The following MUC3A variants were observed in gnomAD, a reference collection of about 807,000 sequenced individuals.
The protein encoded by MUC3A is mucin-3A.
Under a neutral mutation model 109.0 loss-of-function variants are expected in MUC3A, and 109 were observed. That is an observed-to-expected ratio of 1.00 (90% CI 0.86 to 1.17). The LOEUF is 1.17. Ranked by LOEUF, MUC3A falls within the 50% of genes most tolerant of loss-of-function variation. MUC3A has a pLI of 0.00. For synonymous variants in MUC3A, 1,398 were observed against 981.4 expected (o/e 1.42, Z -7.93); for missense variants, 3,537 against 2,469.4 (o/e 1.43, Z -9.16).
rs775092924 is a variant in MUC3A at position 100,967,128 on chromosome 7, T to C, written c.9938T>C (p.Ile3313Thr). ...ENVDTTMKVH[I>T]KRPEMTSSSV ...TCACTGTGACTCTGACAGGTGCACATCAAGAGACCCGAGATGACCTCGTCC... is the reference window on the plus strand; with the variant it reads ...TCACTGTGACTCTGACAGGTGCACACCAAGAGACCCGAGATGACCTCGTCC... The change falls in exon 12 of 12, where the codon ATC becomes ACC. Residue 3313 changes from isoleucine (I) to threonine (T), a missense_variant. Coordinates refer to ENST00000379458, the MANE Select transcript of MUC3A (RefSeq NM_005960.2). The C allele has an allele frequency of 1.3e-6, 2 of 1,598,550 alleles. No homozygotes were observed. The highest frequency in any genetic ancestry group is 1.7e-5 in the Admixed American group (1 of 60,026).
Position 100,958,004 on chromosome 7 carries a change from C to G in MUC3A, c.6225C>G (p.Ser2075Arg). ...AGATCACCTCACACAGTACTCTCAGCTACACTACCTCAATCACCACCACCG... is the reference window on the plus strand; with the variant it reads ...AGATCACCTCACACAGTACTCTCAGGTACACTACCTCAATCACCACCACCG... ...ITEITSHSTLSYTTSITTTET... is the reference protein window; with the variant it reads ...ITEITSHSTLRYTTSITTTET... Residue 2075 changes from serine to arginine, a missense_variant, in exon 2 of 12, where the codon AGC becomes AGG. Ser to Arg is a moderately radical substitution (Grantham distance 110). Transcript: ENST00000379458. The G allele has an allele frequency of 1.2e-6, 1 of 847,274 alleles. No individual in the cohort carries two copies. Among genetic ancestry groups the G allele is most frequent in the Non-Finnish European group, 2.0e-6 (1 of 507,056 alleles). 52.5% of individuals were successfully genotyped at this position (847,274 alleles called of 1,614,324 possible). A position where few individuals can be genotyped will look rare whatever the true frequency, so the allele number is the denominator to read the frequency against.
Position 100,953,760 on chromosome 7 carries a change from A to G in MUC3A, c.1981A>G (p.Thr661Ala). ...TCCTCCCACAACCACCAATTCTTTT[A>G]CATCACTGACCAGTATGCCTCTGTC... is the stretch of plus-strand genomic sequence containing the variant. ...TSPPTTTNSF[T>A]SLTSMPLSST... Residue 661 changes from threonine (T) to alanine (A), a missense_variant, in exon 2 of 12, where the codon ACA becomes GCA. Physicochemically the swap from Thr to Ala is moderately conservative, Grantham distance 58. Coordinates refer to ENST00000379458, the MANE Select transcript of MUC3A (RefSeq NM_005960.2). 2.4e-6 allele frequency: 1 copy of G among 411,386 alleles called. No individual in the cohort carries two copies. The allele number at this position is 411,386 out of a possible 1,614,324, so 25.5% of individuals were successfully genotyped here.
chr7:100,965,542 T>C (rs1792503154), intron 7 of MUC3A, 162 bp from the exon 8 acceptor site: 1 of 1,410,834 alleles, frequency 7.1e-7, no homozygotes, highest in Middle Eastern at 1.8e-4. Flanking sequence ...AGGGTGAGGG[T>C]GCTGCGGGTG....
intron 7 of MUC3A, 121 bp from the exon 8 acceptor site, chr7:100,965,583 C>A: frequency 6.7e-7 from 1 of 1,498,174 alleles, no homozygotes; most frequent in Non-Finnish European, 8.9e-7. Flanking sequence ...AGGGTCTACC[C>A]CACAGCATCC....
In MUC3A at chr7:100,956,353, A is replaced by G. The variant is rs2116176454; in HGVS notation, c.4574A>G (p.His1525Arg). ...LVTTTTKTTS[H>R]STTSFTSSTI... is the part of the protein sequence containing the mutation. ...ACCACCACCACCAAGACCACCTCAC[A>G]TAGTACCACCAGCTTCACTTCTTCA... The change falls in exon 2 of 12, where the codon CAT (histidine) becomes CGT (arginine). Residue 1525 changes from histidine (H) to arginine (R), a missense_variant. Coordinates refer to ENST00000379458, the MANE Select transcript of MUC3A (RefSeq NM_005960.2). The G allele has an allele frequency of 1.5e-6, 1 of 650,742 alleles. No homozygotes were observed. The highest frequency in any genetic ancestry group is 2.7e-6 in the Non-Finnish European group (1 of 364,792). The allele number at this position is 650,742 out of a possible 1,614,324, so 40.3% of individuals were successfully genotyped here.
At position 100,954,203 on chromosome 7, in the gene MUC3A, C is replaced by G; in HGVS notation, c.2424C>G (p.Ser808=). 1 of 523,480 alleles carries G rather than the reference C, an allele frequency of 1.9e-6. No individual in the cohort carries two copies. Among genetic ancestry groups the G allele is most frequent in the Non-Finnish European group, 3.3e-6 (1 of 298,672 alleles). The allele number at this position is 523,480 out of a possible 1,614,324, so 32.4% of individuals were successfully genotyped here. The change falls in exon 2 of 12, where the codon TCC becomes TCG. Residue 808 remains serine, a synonymous_variant. Transcript: ENST00000379458. ...TGGGTACCATGGTAACTTCTACATC[C>G]ATGATCTCATCTACTGTGAGTACAG... is the stretch of plus-strand genomic sequence containing the variant. ...TTLGTMVTST[S]MISSTVSTGI...
intron 5 of MUC3A, 81 bp from the exon 6 acceptor site, chr7:100,964,614 T>G: frequency 6.6e-7 from 1 of 1,519,664 alleles, no homozygotes; most frequent in Admixed American, 1.9e-5. Context: ...TCTGGTGCAC[T>G]TTGGGTTGCT....
At chr7:100,964,414 GAT>G in intron 5 of MUC3A, 1 of 450,514 alleles carries the variant, frequency 2.2e-6, no homozygotes, top group African/African-American at 2.0e-5. Context: ...GAGCTACAAT[GAT>G]ACCACTGCAC....
In MUC3A at chr7:100,960,415, T is replaced by A; in HGVS notation, c.8636T>A (p.Ile2879Asn). Residue 2879 changes from isoleucine to asparagine, a missense_variant, in exon 2 of 12, where the codon ATC becomes AAC. Coordinates refer to ENST00000379458, the MANE Select transcript of MUC3A (RefSeq NM_005960.2). The part of the protein sequence containing the change: ...SETWLSNSSV[I>N]PLPLPGVSTI... ...ACCTGGCTGAGCAACAGTTCTGTGA[T>A]CCCCCTACCTCTTCCTGGCGTCTCT... 6.3e-7 allele frequency: 1 copy of A among 1,598,532 alleles called. No individual in the cohort carries two copies. The highest frequency in any genetic ancestry group is 1.3e-5 in the African/African-American group (1 of 75,078).
In MUC3A at chr7:100,949,664, A is replaced by C; in HGVS notation, c.40A>C (p.Lys14Gln). 6.4e-7 allele frequency: 1 copy of C among 1,555,806 alleles called. No individual in the cohort carries two copies. Among genetic ancestry groups the C allele is most frequent in the Non-Finnish European group, 8.6e-7 (1 of 1,158,288 alleles). The change falls in exon 1 of 12, where the codon AAG becomes CAG. Residue 14 changes from lysine to glutamine, a missense_variant. By Grantham distance (53) the Lys-to-Gln change is moderately conservative. Coordinates refer to ENST00000379458, the MANE Select transcript of MUC3A (RefSeq NM_005960.2). ...LGLLGLLWMLKASPWATGTLS... is the reference protein window; with the variant it reads ...LGLLGLLWMLQASPWATGTLS... ...GCTCCTCGGCCTCCTCTGGATGCTC[A>C]AGGCCTCCCCGTGGGCCACAGGTAA... is the stretch of plus-strand genomic sequence containing the variant.
chr7:100,965,432 A>G lies in MUC3A; in HGVS notation c.9448+85A>G, dbSNP rs921099315. 8 of 1,546,632 alleles carry G rather than the reference A, an allele frequency of 5.2e-6. No individual in the cohort carries two copies. In the Admixed American group the frequency reaches 7.7e-5, roughly 15 times the overall value. ...CATTTGCCCATTGAAGCCTGTGGGCAGGGAGAGACCTTTGGGGGAGGCAAG... is the reference window on the plus strand; with the variant it reads ...CATTTGCCCATTGAAGCCTGTGGGCGGGGAGAGACCTTTGGGGGAGGCAAG... On this transcript the variant is annotated intron_variant, in intron 7 of 11. Coordinates refer to ENST00000379458, the MANE Select transcript of MUC3A (RefSeq NM_005960.2).
In MUC3A at chr7:100,952,860, T is replaced by C. The variant is rs796432486; in HGVS notation, c.1081T>C (p.Leu361=). ...CTACTCCACAAGTATGACAGGTACA[T>C]TGTCCACAGAGACTTCTCTCCCACC... ...IAYSTSMTGT[L]STETSLPPTS... The change falls in exon 2 of 12, where the codon TTG becomes CTG. Residue 361 remains leucine, a synonymous_variant. Transcript: ENST00000379458. 1 of 1,539,976 alleles carries C rather than the reference T, an allele frequency of 6.5e-7. No individual in the cohort carries two copies. Among genetic ancestry groups the C allele is most frequent in the East Asian group, 2.4e-5 (1 of 42,084 alleles).
rs10278640 is a variant in MUC3A, at chr7:100,967,872, C to T, written c.*710C>T. 0.83 allele frequency: 125,195 copies of T among 150,990 alleles called. 49,987 individuals are homozygous for T. The highest frequency in any genetic ancestry group is 1 in the East Asian group (5,182 of 5,194). The allele number at this position is 150,990 out of a possible 1,614,324, so 9.4% of individuals were successfully genotyped here. A position where few individuals can be genotyped will look rare whatever the true frequency, so the allele number is the denominator to read the frequency against. ...CCAGGTGCTGTTCTCCCCGTCACCC[C>T]GTTGCCCAGTTCCCCGTTTCTCTTG... On this transcript the variant is annotated 3_prime_UTR_variant, in exon 12 of 12. Coordinates refer to ENST00000379458, the MANE Select transcript of MUC3A (RefSeq NM_005960.2).
Position 100,958,040 on chromosome 7 carries a change from A to T in MUC3A, c.6261A>T (p.Ser2087=). ...TTSITTTETP[S]HSTLSFTSSI... is the part of the protein sequence containing the mutation. ...CAATCACCACCACCGAGACCCCCTC[A>T]CACAGTACTCTCAGCTTCACTTCTT... The change falls in exon 2 of 12, where the codon TCA becomes TCT. Residue 2087 remains serine (S), a synonymous_variant. Transcript: ENST00000379458. The T allele has an allele frequency of 1.6e-6, 1 of 616,296 alleles. No homozygotes were observed. The highest frequency in any genetic ancestry group is 2.1e-6 in the Non-Finnish European group (1 of 473,388). The allele number at this position is 616,296 out of a possible 1,614,324, so 38.2% of individuals were successfully genotyped here.
At chr7:100,963,422 A>G in intron 4 of MUC3A, among the ~76,000 whole-genome samples, 156 bp downstream of exon 4, 1 of 152,286 alleles carries the variant, frequency 6.6e-6, no homozygotes, top group Non-Finnish European at 1.5e-5. Context: ...AGTAGCTGGG[A>G]TTACAGGTGC....
Position 100,967,403 on chromosome 7 carries a change from C to G in MUC3A, c.*241C>G, listed in dbSNP as rs1469217221. On this transcript the variant is annotated 3_prime_UTR_variant, in exon 12 of 12. Coordinates refer to ENST00000379458, the MANE Select transcript of MUC3A (RefSeq NM_005960.2). Reference sequence around the variant, plus strand: ...GAATCTTGGGCAAGTCAGTAACGAGCCTCAGTTTCCTCACCTGCAAAACGG... The same window carrying G: ...GAATCTTGGGCAAGTCAGTAACGAGGCTCAGTTTCCTCACCTGCAAAACGG... 1 of 626,310 alleles carries G rather than the reference C, an allele frequency of 1.6e-6. No homozygotes were observed. Among genetic ancestry groups the G allele is most frequent in the Non-Finnish European group, 2.8e-6 (1 of 361,840 alleles). The allele number at this position is 626,310 out of a possible 1,614,324, so 38.8% of individuals were successfully genotyped here.
rs1244288618 is a variant in MUC3A, at chr7:100,952,456, C to T, written c.677C>T (p.Thr226Ile). The T allele has an allele frequency of 6.3e-7, 1 of 1,598,472 alleles. No homozygotes were observed. The highest frequency in any genetic ancestry group is 1.3e-5 in the African/African-American group (1 of 74,958). ...ACAATCTCGTCTACAACTAGAACCA[C>T]AGAAAGGACTCCCCTGCCCACTGGA... Reference protein sequence around the residue: ...HTTISSTTRTTERTPLPTGSI... With the variant: ...HTTISSTTRTIERTPLPTGSI... Residue 226 changes from threonine to isoleucine, a missense_variant, in exon 2 of 12, where the codon ACA becomes ATA. Physicochemically the swap from Thr to Ile is moderately conservative, Grantham distance 89. Transcript: ENST00000379458.
At chr7:100,966,126 T>C (rs1407596608) in intron 8 of MUC3A, 1 of 531,072 alleles carries the variant, frequency 1.9e-6, no homozygotes, top group Non-Finnish European at 3.0e-6. Context: ...CCCCGCCTCC[T>C]CGTTCTAGGG....
Position 100,960,934 on chromosome 7 carries a change from C to G in MUC3A, c.9049C>G (p.Leu3017Val). The change falls in exon 3 of 12, where the codon CTA (leucine) becomes GTA (valine). Residue 3017 changes from leucine (L) to valine (V), a missense_variant. Transcript: ENST00000379458. Reference protein sequence around the residue: ...SCEFAVEQVDLDVVETEVGME... With the variant: ...SCEFAVEQVDVDVVETEVGME... ...TGAGTTTGCTGTGGAACAGGTGGATCTAGGTGAGTTGCCAGAGCTATGCCT... is the reference window on the plus strand; with the variant it reads ...TGAGTTTGCTGTGGAACAGGTGGATGTAGGTGAGTTGCCAGAGCTATGCCT... 2 of 1,598,542 alleles carry G rather than the reference C, an allele frequency of 1.3e-6. No individual in the cohort carries two copies. Among genetic ancestry groups the G allele is most frequent in the Non-Finnish European group, 1.7e-6 (2 of 1,179,820 alleles).
Sources: gnomAD v4.1 joint callset for allele counts (sites outside exome capture counted in the v4.1 genomes callset) on GRCh38, gnomAD v4.1.1 for gene constraint, MANE v1.5 for transcripts, NCBI Gene and HGNC (gene_info 2026-07-23, HGNC 2026-07-21) for gene names.